The following LRRTM4 variants were observed in gnomAD, a reference collection of about 807,000 sequenced individuals.
The protein encoded by LRRTM4 is leucine-rich repeat transmembrane neuronal protein 4.
Under a neutral mutation model 47.6 loss-of-function variants are expected in LRRTM4, and 25 were observed. That is an observed-to-expected ratio of 0.53 (90% confidence interval 0.38 to 0.73). The LOEUF (loss-of-function observed/expected upper bound fraction) is 0.73. Among genes scored for constraint, LRRTM4 ranks in the 30% least tolerant of loss-of-function variants. The pLI, the probability that LRRTM4 is intolerant of heterozygous loss-of-function variation, is 0.00. For synonymous variants in LRRTM4, 311 were observed against 269.5 expected, an observed-to-expected ratio of 1.15 and a Z score of -1.51; for missense variants, 638 against 713.4, an observed-to-expected ratio of 0.89 and a Z score of 1.20.
At chr2:77,394,206 A>C (rs893097935) in intron 3 of LRRTM4, among the ~76,000 whole-genome samples, 4 of 151,982 alleles carry the variant, frequency 2.6e-5, no homozygotes, top group African/African-American at 9.7e-5. Context: ...TGTAAAAAGA[A>C]AATAAATTTA....
chr2:77,003,553 G>T (rs921129652), intron 3 of LRRTM4, among the ~76,000 whole-genome samples: 2 of 152,178 alleles, frequency 1.3e-5, no homozygotes, highest in African/African-American at 4.8e-5. Context: ...CGCCATGTAA[G>T]ATGTGACTTT....
chr2:77,072,656 AG>A (rs1288056302), intron 3 of LRRTM4, among the ~76,000 whole-genome samples: 1 of 151,980 alleles, frequency 6.6e-6, no homozygotes, highest in African/African-American at 2.4e-5. Context: ...AAAATTAGCC[AG>A]GTGTGGTGGC....
intron 3 of LRRTM4, among the ~76,000 whole-genome samples, chr2:77,360,527 G>A (rs62160538): frequency 2.2e-4 from 24 of 110,106 alleles, no homozygotes; most frequent in Non-Finnish European, 2.6e-4. Context: ...GATACGATAC[G>A]ATACGATACA....
intron 3 of LRRTM4, among the ~76,000 whole-genome samples, chr2:76,950,202 C>G (rs13422716): frequency 0.57 from 87,097 of 151,722 alleles, 26,667 homozygotes; most frequent in African/African-American, 0.78. Context: ...TGCCAGAAAA[C>G]AAGAGCAACC....
At chr2:76,785,930 A>G (rs984977801) in intron 3 of LRRTM4, among the ~76,000 whole-genome samples, 11 of 152,182 alleles carry the variant, frequency 7.2e-5, no homozygotes, top group Non-Finnish European at 1.6e-4. Context: ...AGCCATGGGT[A>G]GAAATATCTG....
intron 3 of LRRTM4, among the ~76,000 whole-genome samples, chr2:77,103,951 G>T (rs1366857662): frequency 1.3e-5 from 2 of 152,022 alleles, no homozygotes; most frequent in African/African-American, 4.8e-5. Context: ...TCTCAGTTCT[G>T]ATCTGTCCCT....
At chr2:77,439,065 AAAGT>A (rs1675727244) in intron 3 of LRRTM4, among the ~76,000 whole-genome samples, 2 of 152,194 alleles carry the variant, frequency 1.3e-5, no homozygotes, top group East Asian at 1.9e-4. Context: ...GCTTTCTTAG[AAAGT>A]AAGTAACTAG....
intron 3 of LRRTM4, among the ~76,000 whole-genome samples, chr2:77,431,931 G>C (rs187912070): frequency 1.3e-5 from 2 of 151,676 alleles, no homozygotes; most frequent in African/African-American, 2.4e-5. Context: ...AAAATTAGCC[G>C]GGCATGGTGG....
At chr2:77,333,888 T>C (rs1006016271) in intron 3 of LRRTM4, among the ~76,000 whole-genome samples, 3 of 152,150 alleles carry the variant, frequency 2.0e-5, no homozygotes, top group Non-Finnish European at 4.4e-5. Flanking sequence ...TGAAAGCAGC[T>C]GGGATAGTGG....
chr2:77,239,178 G>A (rs964124924), intron 3 of LRRTM4, among the ~76,000 whole-genome samples: 2 of 151,776 alleles, frequency 1.3e-5, no homozygotes, highest in African/African-American at 2.4e-5. Flanking sequence ...GATATGGTAG[G>A]TTTATTGTGT....
At chr2:77,392,043 A>C (rs2103816249) in intron 3 of LRRTM4, among the ~76,000 whole-genome samples, 1 of 152,154 alleles carries the variant, frequency 6.6e-6, no homozygotes, top group East Asian at 1.9e-4. Context: ...TCTTTAGAGA[A>C]TCTCCTTCCC....
At chr2:77,325,496 T>C (rs980304302) in intron 3 of LRRTM4, among the ~76,000 whole-genome samples, 3 of 152,080 alleles carry the variant, frequency 2.0e-5, no homozygotes, top group Non-Finnish European at 2.9e-5. Context: ...TGTATTGATA[T>C]CATAAAAAGT....
At chr2:77,454,258 C>T (rs1032833469) in intron 3 of LRRTM4, among the ~76,000 whole-genome samples, 26 of 152,190 alleles carry the variant, frequency 1.7e-4, no homozygotes, top group African/African-American at 5.8e-4. Flanking sequence ...AATGAACACC[C>T]GTATTTTAAT....
intron 3 of LRRTM4, among the ~76,000 whole-genome samples, chr2:77,326,871 T>G (rs1670796371): frequency 2.0e-5 from 3 of 152,216 alleles, no homozygotes; most frequent in Admixed American, 2.0e-4. Context: ...CGTCTTCACA[T>G]GTGTTTGAGA....
At chr2:77,252,496 C>T (rs1573146799) in intron 3 of LRRTM4, among the ~76,000 whole-genome samples, 1 of 152,076 alleles carries the variant, frequency 6.6e-6, no homozygotes, top group Admixed American at 6.6e-5. Flanking sequence ...TGTAACCACC[C>T]TCCTAAGTCT....
chr2:76,898,497 G>A (rs62170285), intron 3 of LRRTM4, among the ~76,000 whole-genome samples: 21,490 of 141,870 alleles, frequency 0.15, 1,966 homozygotes, highest in Admixed American at 0.24. Context: ...AGGATGAGGT[G>A]AGCAGAGAAT....
chr2:77,487,537 C>G (rs1352880172), intron 3 of LRRTM4, among the ~76,000 whole-genome samples: 2 of 152,168 alleles, frequency 1.3e-5, no homozygotes, highest in African/African-American at 4.8e-5. Context: ...TCAGCGTGGG[C>G]CTGCAGGTGC....
intron 3 of LRRTM4, among the ~76,000 whole-genome samples, chr2:77,052,941 A>G (rs1299886399): frequency 3.9e-5 from 6 of 152,252 alleles, no homozygotes; most frequent in Admixed American, 1.3e-4. Flanking sequence ...GGCCCATTCA[A>G]TAATTCTTGA....
chr2:77,004,599 C>T (rs756223267), intron 3 of LRRTM4, among the ~76,000 whole-genome samples: 6 of 152,100 alleles, frequency 3.9e-5, no homozygotes, highest in Admixed American at 6.6e-5. Flanking sequence ...AATGTAGGGT[C>T]GGAGCCCCCA....
Sources: gnomAD v4.1 joint callset for allele counts (sites outside exome capture counted in the v4.1 genomes callset) on GRCh38, gnomAD v4.1.1 for gene constraint, MANE v1.5 for transcripts, NCBI Gene and HGNC (gene_info 2026-07-23, HGNC 2026-07-21) for gene names.